MTAP: variants seen among roughly 807,000 people sequenced by gnomAD.
MTAP encodes methylthioadenosine phosphorylase, also known as S-methyl-5'-thioadenosine phosphorylase.
MTAP carries 33 observed loss-of-function variants against 33.6 expected under a neutral mutation model. That is an observed-to-expected ratio of 0.98 (90% CI 0.74 to 1.31). MTAP has a LOEUF of 1.31. Among genes scored for constraint, MTAP ranks in the 40% most tolerant of loss-of-function variants. MTAP has a pLI of 0.00. For missense variants in MTAP, 367 were observed against 360.0 expected (o/e 1.02, Z -0.16); for synonymous variants, 148 against 125.7 (o/e 1.18, Z -1.19).
intron 5 of MTAP, among the ~76,000 whole-genome samples, chr9:21,845,639 A>G (rs1395030424): frequency 6.6e-6 from 1 of 152,048 alleles, no homozygotes; most frequent in Non-Finnish European, 1.5e-5. Context: ...TTTCCTTCAG[A>G]GTACCACCAT....
At chr9:21,857,251 G>A (rs1825663640) in intron 6 of MTAP, among the ~76,000 whole-genome samples, 1 of 152,182 alleles carries the variant, frequency 6.6e-6, no homozygotes, top group Admixed American at 6.5e-5. Flanking sequence ...AAGGAAATGA[G>A]TAAATACAAG....
At chr9:21,913,799 G>C (rs1354653436) in intron 1 of MTAP, among the ~76,000 whole-genome samples, 3 of 152,170 alleles carry the variant, frequency 2.0e-5, no homozygotes, top group Non-Finnish European at 4.4e-5. Context: ...AAACTAAAGA[G>C]CTTCTGCACA....
intron 4 of MTAP, among the ~76,000 whole-genome samples, chr9:21,822,793 G>C (rs538485802): frequency 6.6e-6 from 1 of 152,034 alleles, no homozygotes; most frequent in East Asian, 1.9e-4. Flanking sequence ...CTAAGGACTT[G>C]CTTTATGAAT....
intron 1 of MTAP, among the ~76,000 whole-genome samples, chr9:21,877,550 G>C (rs950497280): frequency 1.3e-5 from 2 of 152,106 alleles, no homozygotes; most frequent in African/African-American, 2.4e-5. Flanking sequence ...CTAGTTGATT[G>C]AGAGTTTTTA....
chr9:21,813,191 C>A (rs1286620825), intron 1 of MTAP, among the ~76,000 whole-genome samples: 1 of 152,248 alleles, frequency 6.6e-6, no homozygotes, highest in Non-Finnish European at 1.5e-5. Context: ...CATCTTGGCC[C>A]TGCTGGCCTC....
At chr9:21,881,906 CAAAG>C (rs1457459700) in intron 1 of MTAP, among the ~76,000 whole-genome samples, 1 of 151,808 alleles carries the variant, frequency 6.6e-6, no homozygotes, top group East Asian at 1.9e-4. Flanking sequence ...AGCAGGATCT[CAAAG>C]AAATTTGCAC....
At position 21,865,029 on chromosome 9, in the gene MTAP, TCA is replaced by T. The variant is rs1266410112; in HGVS notation, c.*3017_*3018del. The T allele has an allele frequency of 1.0e-6, 1 of 985,358 alleles. No homozygotes were observed. Among genetic ancestry groups the T allele is most frequent in the East Asian group, 1.1e-4 (1 of 8,828 alleles). 61.0% of individuals were successfully genotyped at this position (985,358 alleles called of 1,614,324 possible). ...AAGGAGTATCTGATGGGTTAGGAAG[TCA>T]CGAAATGAGGAGTTCTTGCCACATT... On this transcript the variant is annotated 3_prime_UTR_variant, in exon 8 of 8. Transcript: ENST00000644715.
chr9:21,815,589 T>TGAA lies in MTAP; in HGVS notation c.120+70_120+71insGAA, dbSNP rs1554641931. 2.0e-5 allele frequency: 13 copies of TGAA among 647,550 alleles called. No individual in the cohort carries two copies. The African/African-American group carries it at 7.2e-4, about 36-fold the overall frequency. 40.1% of individuals were successfully genotyped at this position (647,550 alleles called of 1,614,324 possible). On this transcript the variant is annotated intron_variant, in intron 2 of 7. Coordinates refer to ENST00000644715, the MANE Select transcript of MTAP (RefSeq NM_002451.4). ...TCTCCTTGCTGGCTTGATTTTTGAATTAAAAAAAAAAAAAAGAATTGCTTT... is the reference window on the plus strand; with the variant it reads ...TCTCCTTGCTGGCTTGATTTTTGAATGAATAAAAAAAAAAAAAAGAATTGCTTT...
At position 21,918,223 on chromosome 9, in the gene MTAP, G is replaced by A. The variant is rs10965182; in HGVS notation, c.148-12785G>A. ...AAATTAGCCGGGCGTAGTGGCGGGCGCCTGTAGTCCCAGCTACTTGGGAGG... is the reference window on the plus strand; with the variant it reads ...AAATTAGCCGGGCGTAGTGGCGGGCACCTGTAGTCCCAGCTACTTGGGAGG... On this transcript the variant is annotated intron_variant, in intron 1 of 1. Transcript: ENST00000577563. 2.7e-4 allele frequency among the ~76,000 whole-genome samples: 38 copies of A among 141,904 alleles called. 1 individual carries two copies. The East Asian group carries it at 5.7e-3, about 21-fold the overall frequency. 93.1% of individuals were successfully genotyped at this position (141,904 alleles called of 152,430 possible). A position where few individuals can be genotyped will look rare whatever the true frequency, so the allele number is the denominator to read the frequency against.
intron 1 of MTAP, 46 bp downstream of exon 1, chr9:21,802,827 C>A (rs1285760802): frequency 6.2e-7 from 1 of 1,608,522 alleles, no homozygotes; most frequent in East Asian, 2.2e-5. Flanking sequence ...TGCCGGATGC[C>A]TTCTCGCCCC....
chr9:21,936,964 A>T (rs1481552924), exon 8 of MTAP: 5 of 152,210 alleles, frequency 3.3e-5, no homozygotes, highest in Non-Finnish European at 5.9e-5. Context: ...ATAAAATCTA[A>T]ATGGATACAA....
chr9:21,915,847 T>G (rs118178979), intron 1 of MTAP, among the ~76,000 whole-genome samples: 2,688 of 152,022 alleles, frequency 0.018, 38 homozygotes, highest in Non-Finnish European at 0.029. Flanking sequence ...CTGGGCAACA[T>G]AGACAAACCC....
At chr9:21,803,221 C>G in intron 1 of MTAP, 1 of 338,470 alleles carries the variant, frequency 3.0e-6, no homozygotes, top group African/African-American at 2.1e-5. Flanking sequence ...TGACCGTCTC[C>G]TGGTGCCTTG....
At chr9:21,851,439 CTT>C (rs1278054917) in intron 5 of MTAP, among the ~76,000 whole-genome samples, 8 of 152,300 alleles carry the variant, frequency 5.3e-5, no homozygotes, top group African/African-American at 1.9e-4. Context: ...GATTTATTGA[CTT>C]CACATCAACA....
intron 1 of MTAP, among the ~76,000 whole-genome samples, chr9:21,805,592 A>G (rs571342453): frequency 2.0e-4 from 31 of 152,302 alleles, no homozygotes; most frequent in African/African-American, 7.0e-4. Flanking sequence ...ATGTGATGGT[A>G]TTAGAAGATG....
intron 4 of MTAP, among the ~76,000 whole-genome samples, chr9:21,821,970 G>A (rs1286822638): frequency 1.3e-5 from 2 of 152,106 alleles, no homozygotes; most frequent in Non-Finnish European, 2.9e-5. Flanking sequence ...GGGATCGGTG[G>A]TGATATCCCC....
At position 21,802,711 on chromosome 9, in the gene MTAP, G is replaced by A. The variant is rs772887649; in HGVS notation, c.-38G>A. ...TGGCTCGCTTGGTTCCCTTAGTCCC[G>A]AGCGCTCGCCCACTGCAGATTCCTT... On this transcript the variant is annotated 5_prime_UTR_variant, in exon 1 of 8. Coordinates refer to ENST00000644715, the MANE Select transcript of MTAP (RefSeq NM_002451.4). 3 of 1,605,732 alleles carry A rather than the reference G, an allele frequency of 1.9e-6. No homozygotes were observed. Among genetic ancestry groups the A allele is most frequent in the South Asian group, 2.2e-5 (2 of 89,706 alleles).
chr9:21,902,344 G>A (rs73440467), intron 1 of MTAP, among the ~76,000 whole-genome samples: 20,672 of 152,086 alleles, frequency 0.14, 1,953 homozygotes, highest in African/African-American at 0.25. Flanking sequence ...GTCTTAAGTC[G>A]CATGCCTATG....
chr9:21,932,507 T>G (rs1354290067), downstream of MTAP: 2 of 151,986 alleles, frequency 1.3e-5, no homozygotes, highest in African/African-American at 4.8e-5. Flanking sequence ...TCTTTTCAGG[T>G]TTTTTTGTGT....
Sources: gnomAD v4.1 joint callset for allele counts (sites outside exome capture counted in the v4.1 genomes callset) on GRCh38, gnomAD v4.1.1 for gene constraint, MANE v1.5 for transcripts, NCBI Gene and HGNC (gene_info 2026-07-23, HGNC 2026-07-21) for gene names.